The following MTA3 variants were observed in gnomAD, a reference collection of about 807,000 sequenced individuals.
MTA3 encodes the protein metastasis-associated protein MTA3.
Under a neutral mutation model 83.5 loss-of-function variants are expected in MTA3, and 34 were observed. The ratio of observed to expected loss-of-function variants is 0.41; its 90% CI spans 0.31 to 0.54. MTA3 has a LOEUF of 0.54. Among genes scored for constraint, MTA3 ranks in the 20% least tolerant of loss-of-function variants. The probability of loss-of-function intolerance (pLI) is 0.33; values close to 1 mark genes in which losing one functional copy is unlikely to be tolerated. For synonymous variants in MTA3, 303 were observed against 252.7 expected, an observed-to-expected ratio of 1.20 and a Z score of -1.89; for missense variants, 761 against 726.4, an observed-to-expected ratio of 1.05 and a Z score of -0.55.
At chr2:42,566,441 A>G (rs746989634), upstream of MTA3, among the ~76,000 whole-genome samples, 3 of 152,080 alleles carry the variant, frequency 2.0e-5, no homozygotes, top group Non-Finnish European at 4.4e-5. Flanking sequence ...AATGTAGAGG[A>G]CATTGGCCTA....
intron 4 of MTA3, among the ~76,000 whole-genome samples, chr2:42,614,847 T>C (rs12473172): frequency 0.78 from 118,010 of 151,316 alleles, 46,804 homozygotes; most frequent in African/African-American, 0.92. Flanking sequence ...TGGCAGCGTA[T>C]GCCTGTATTC....
Position 42,667,582 on chromosome 2 carries a change from G to GTGTGTGTGTGTGTT in MTA3, c.702+7733_702+7734insTTGTGTGTGTGTGT, listed in dbSNP as rs1553379099. ...CATCATTTAAAAATTGTGTGTGTGTGTGTGTGTGTGTGTGTGTGTGTGTGT... is the reference window on the plus strand; with the variant it reads ...CATCATTTAAAAATTGTGTGTGTGTGTGTGTGTGTGTGTTTGTGTGTGTGTGTGTGTGTGTGTGT... On this transcript the variant is annotated intron_variant, in intron 8 of 16. Coordinates refer to ENST00000405094, the MANE Select transcript of MTA3 (RefSeq NM_001330442.2). Among the ~76,000 whole-genome samples, 998 of 128,958 alleles carry GTGTGTGTGTGTGTT rather than the reference G, an allele frequency of 7.7e-3. 28 individuals carry two copies. Among genetic ancestry groups the GTGTGTGTGTGTGTT allele is most frequent in the South Asian group, 0.076 (281 of 3,712 alleles). The allele number at this position is 128,958 out of a possible 152,430, so 84.6% of individuals were successfully genotyped here.
intron 6 of MTA3, among the ~76,000 whole-genome samples, chr2:42,654,938 C>T (rs966293532): frequency 4.6e-5 from 7 of 152,180 alleles, no homozygotes; most frequent in Admixed American, 6.6e-5. Flanking sequence ...CTAATGCCAA[C>T]GCTGTGAGTA....
rs1678076368 is a variant in MTA3, at chr2:42,568,675, G to A, written c.-71G>A. On this transcript the variant is annotated 5_prime_UTR_variant, in exon 1 of 17. Transcript: ENST00000405094. ...CGGCGGCGGCGGCAGCGGCGGTCGCGGCTGAGGCTGAGGAGGAGGCGGCGG... is the reference window on the plus strand; with the variant it reads ...CGGCGGCGGCGGCAGCGGCGGTCGCAGCTGAGGCTGAGGAGGAGGCGGCGG... 4 of 1,145,548 alleles carry A rather than the reference G, an allele frequency of 3.5e-6. No individual in the cohort carries two copies. Among genetic ancestry groups the A allele is most frequent in the Non-Finnish European group, 4.3e-6 (4 of 924,216 alleles). 71.0% of individuals were successfully genotyped at this position (1,145,548 alleles called of 1,614,324 possible). A position where few individuals can be genotyped will look rare whatever the true frequency, so the allele number is the denominator to read the frequency against.
chr2:42,648,178 A>G (rs1399526968), intron 6 of MTA3, among the ~76,000 whole-genome samples: 1 of 151,888 alleles, frequency 6.6e-6, no homozygotes, highest in Non-Finnish European at 1.5e-5. Context: ...TTTAGGGGGG[A>G]AGGAGTGGGG....
intron 2 of MTA3, among the ~76,000 whole-genome samples, chr2:42,535,567 T>C (rs1462400632): frequency 1.3e-5 from 2 of 152,184 alleles, no homozygotes; most frequent in Non-Finnish European, 2.9e-5. Context: ...AAATACCATG[T>C]AATACTTCTA....
At chr2:42,705,188 T>A (rs1402131198) in intron 12 of MTA3, among the ~76,000 whole-genome samples, 1 of 152,164 alleles carries the variant, frequency 6.6e-6, no homozygotes, top group Admixed American at 6.5e-5. Context: ...GTTGCTGAAT[T>A]TGTAGAAATG....
chr2:42,749,156 T>C (rs1202716224), intron 16 of MTA3, among the ~76,000 whole-genome samples: 1 of 152,218 alleles, frequency 6.6e-6, no homozygotes, highest in Non-Finnish European at 1.5e-5. Context: ...AGTTTGTATG[T>C]AGATTTGAGG....
intron 2 of MTA3, among the ~76,000 whole-genome samples, chr2:42,534,202 G>A (rs547917066): frequency 6.0e-4 from 91 of 152,238 alleles, no homozygotes; most frequent in African/African-American, 2.1e-3. Context: ...GCATAGAGCA[G>A]GAATCTTCAC....
At chr2:42,616,351 T>A (rs1684885057) in intron 4 of MTA3, among the ~76,000 whole-genome samples, 1 of 151,760 alleles carries the variant, frequency 6.6e-6, no homozygotes, top group Non-Finnish European at 1.5e-5. Context: ...GCGTGAGCCA[T>A]TGCACGCCTG....
chr2:42,517,453 A>T (rs1675195524), intron 2 of MTA3, among the ~76,000 whole-genome samples: 1 of 151,070 alleles, frequency 6.6e-6, no homozygotes, highest in African/African-American at 2.4e-5. Flanking sequence ...CATGCCTGTA[A>T]TCCCAGCTAC....
intron 13 of MTA3, among the ~76,000 whole-genome samples, 195 bp downstream of exon 13, chr2:42,708,249 A>G (rs538606462): frequency 6.6e-6 from 1 of 152,350 alleles, no homozygotes; most frequent in African/African-American, 2.4e-5. Context: ...ATTCAGAATA[A>G]TGGTCTCAGA....
intron 2 of MTA3, among the ~76,000 whole-genome samples, chr2:42,512,523 T>A (rs143769719): frequency 8.5e-5 from 13 of 152,336 alleles, no homozygotes; most frequent in Admixed American, 1.3e-4. Context: ...CAAAAATCTT[T>A]ATAGCAAAGG....
chr2:42,753,347 C>T, intron 16 of MTA3, 27 bp from the exon 17 acceptor site: 1 of 1,550,484 alleles, frequency 6.4e-7, no homozygotes, highest in Non-Finnish European at 8.7e-7. Flanking sequence ...CTTGTTTAAC[C>T]TTCACACTGT....
At chr2:42,691,676 T>C (rs1313596102) in intron 9 of MTA3, among the ~76,000 whole-genome samples, 1 of 152,190 alleles carries the variant, frequency 6.6e-6, no homozygotes, top group African/African-American at 2.4e-5. Flanking sequence ...ATTAAAGAAC[T>C]CCCTTTAGCA....
chr2:42,708,000 G>A lies in MTA3; in HGVS notation c.1248G>A (p.Leu416=), dbSNP rs1426167917. The change falls in exon 13 of 17, where the codon TTG becomes TTA. Residue 416 remains leucine (L), a synonymous_variant. Coordinates refer to ENST00000405094, the MANE Select transcript of MTA3 (RefSeq NM_001330442.2). ...TTTATTGGAAAAAATATGGAGGCTT[G>A]AAAATGCCCACCCAGTCAGAAGAAG... ...CWLYWKKYGG[L]KMPTQSEEEK... 6.2e-6 allele frequency: 10 copies of A among 1,613,530 alleles called. No individual in the cohort carries two copies. Among genetic ancestry groups the A allele is most frequent in the Non-Finnish European group, 8.5e-6 (10 of 1,179,814 alleles).
intron 2 of MTA3, among the ~76,000 whole-genome samples, chr2:42,551,813 C>T (rs1335533570): frequency 2.6e-5 from 4 of 151,794 alleles, no homozygotes; most frequent in African/African-American, 9.7e-5. Context: ...CTGCAACCTC[C>T]GCCTCCTGGG....
At chr2:42,716,410 C>G (rs1235283710) in intron 14 of MTA3, among the ~76,000 whole-genome samples, 1 of 152,112 alleles carries the variant, frequency 6.6e-6, no homozygotes, top group African/African-American at 2.4e-5. Flanking sequence ...GTTTGTTGTA[C>G]AGATTATTTC....
chr2:42,541,411 C>G (rs1173992742), intron 2 of MTA3, among the ~76,000 whole-genome samples: 1 of 152,158 alleles, frequency 6.6e-6, no homozygotes, highest in East Asian at 1.9e-4. Context: ...AGCTGTAGCT[C>G]CTGGTCAGCC....
Sources: gnomAD v4.1 joint callset for allele counts (sites outside exome capture counted in the v4.1 genomes callset) on GRCh38, gnomAD v4.1.1 for gene constraint, MANE v1.5 for transcripts, NCBI Gene and HGNC (gene_info 2026-07-23, HGNC 2026-07-21) for gene names.